ATIC: variants seen among roughly 807,000 people sequenced by gnomAD.
The protein encoded by ATIC is bifunctional purine biosynthesis protein ATIC.
Under a neutral mutation model 72.5 loss-of-function variants are expected in ATIC, and 64 were observed. The observed-to-expected ratio is 0.88, with a 90% confidence interval of 0.72 to 1.09. The LOEUF is 1.09. Among genes scored for constraint, ATIC ranks in the 50% least tolerant of loss-of-function variants. The probability of loss-of-function intolerance (pLI) is 0.00; values close to 1 mark genes in which losing one functional copy is unlikely to be tolerated. For synonymous variants in ATIC, 281 were observed against 267.1 expected (o/e 1.05, Z -0.51); for missense variants, 787 against 732.4 (o/e 1.07, Z -0.86).
intron 2 of ATIC, among the ~76,000 whole-genome samples, chr2:215,313,528 A>G (rs1038452573): frequency 6.6e-6 from 1 of 152,194 alleles, no homozygotes. Flanking sequence ...TAGGATAGCT[A>G]TTTAATAAAC....
the ATIC span, among the ~76,000 whole-genome samples, chr2:215,355,599 T>C: frequency 6.3e-4 from 96 of 151,330 alleles, no homozygotes; most frequent in Non-Finnish European, 1.1e-3. Flanking sequence ...GTGCTTTCCA[T>C]TCATGGACAT....
At chr2:215,341,458 C>T (rs925587816) in intron 12 of ATIC, among the ~76,000 whole-genome samples, 1 of 152,144 alleles carries the variant, frequency 6.6e-6, no homozygotes, top group Non-Finnish European at 1.5e-5. Flanking sequence ...TGATCTTAAT[C>T]GTTTATCTAA....
At chr2:215,327,978 A>G (rs1478125435) in intron 7 of ATIC, among the ~76,000 whole-genome samples, 1 of 150,484 alleles carries the variant, frequency 6.6e-6, no homozygotes, top group Non-Finnish European at 1.5e-5. Context: ...GGTTCAAGCG[A>G]TTCTCCTGCC....
chr2:215,314,026 A>G (rs1341680223), intron 2 of ATIC, among the ~76,000 whole-genome samples: 2 of 152,142 alleles, frequency 1.3e-5, no homozygotes, highest in African/African-American at 4.8e-5. Flanking sequence ...TTATGGAAAC[A>G]TTTCAGACAC....
chr2:215,365,783 T>A, the ATIC span: 1 of 432,822 alleles, frequency 2.3e-6, no homozygotes, highest in Non-Finnish European at 3.9e-6. Context: ...GGGCCATTTA[T>A]TTTATTTATT....
chr2:215,338,712 A>C (rs2052983702), intron 11 of ATIC, 67 bp from the exon 12 acceptor site: 7 of 1,520,728 alleles, frequency 4.6e-6, no homozygotes, highest in Non-Finnish European at 6.3e-6. Context: ...TCTTTTGTAT[A>C]TAAATTAAAT....
the ATIC span, chr2:215,364,680 A>G: frequency 6.5e-6 from 4 of 613,322 alleles, no homozygotes; most frequent in East Asian, 5.5e-5. Flanking sequence ...TACTAAGAGT[A>G]ATAGAAAGAA....
intron 7 of ATIC, among the ~76,000 whole-genome samples, chr2:215,328,061 A>G (rs1194501799): frequency 6.6e-6 from 1 of 151,706 alleles, no homozygotes; most frequent in African/African-American, 2.4e-5. Flanking sequence ...TTTAGTAGAG[A>G]TGGGGTTTCA....
chr2:215,321,981 G>A (rs1251906414), intron 4 of ATIC, among the ~76,000 whole-genome samples: 1 of 152,072 alleles, frequency 6.6e-6, no homozygotes, highest in Non-Finnish European at 1.5e-5. Context: ...TTGGCTCACT[G>A]CAACCTCCAC....
intron 14 of ATIC, among the ~76,000 whole-genome samples, chr2:215,347,861 A>G (rs891796206): frequency 2.0e-5 from 3 of 152,162 alleles, no homozygotes; most frequent in Non-Finnish European, 2.9e-5. Context: ...CTGTGCCACT[A>G]TGACACAATA....
intron 12 of ATIC, among the ~76,000 whole-genome samples, chr2:215,342,176 A>G (rs2053026863): frequency 6.6e-6 from 1 of 152,142 alleles, no homozygotes; most frequent in East Asian, 1.9e-4. Flanking sequence ...TATCACCAAG[A>G]TTATCTTTGA....
intron 7 of ATIC, among the ~76,000 whole-genome samples, chr2:215,328,875 A>T (rs2052859710): frequency 6.6e-6 from 1 of 151,610 alleles, no homozygotes; most frequent in Admixed American, 6.6e-5. Context: ...CTGCCACCAC[A>T]CCTGGCTAAT....
At chr2:215,354,862 T>TTGGC in the ATIC span, among the ~76,000 whole-genome samples, 1 of 151,786 alleles carries the variant, frequency 6.6e-6, no homozygotes, top group Non-Finnish European at 1.5e-5. Context: ...CTGACTAACA[T>TTGGC]TGGCTACCCA....
chr2:215,322,938 GTTTGT>G (rs748658435), intron 4 of ATIC, among the ~76,000 whole-genome samples: 32 of 151,806 alleles, frequency 2.1e-4, no homozygotes, highest in Non-Finnish European at 4.1e-4. Context: ...TTGTTTGTTT[GTTTGT>G]TTTGTTTTGT....
At chr2:215,327,856 GT>G (rs2052846040) in intron 7 of ATIC, among the ~76,000 whole-genome samples, 1 of 151,252 alleles carries the variant, frequency 6.6e-6, no homozygotes, top group African/African-American at 2.4e-5. Context: ...GTTTCTTCAC[GT>G]TTGCCGCGTT....
At chr2:215,316,961 C>T (rs554941319) in intron 2 of ATIC, among the ~76,000 whole-genome samples, 4 of 152,244 alleles carry the variant, frequency 2.6e-5, no homozygotes, top group African/African-American at 9.6e-5. Context: ...GGGGTTTCAC[C>T]ATGTTGGTCA....
At chr2:215,338,708 G>C in intron 11 of ATIC, 71 bp from the exon 12 acceptor site, 2 of 1,494,368 alleles carry the variant, frequency 1.3e-6, no homozygotes, top group South Asian at 2.4e-5. Flanking sequence ...GAAATCTTTT[G>C]TATATAAATT....
the ATIC span, among the ~76,000 whole-genome samples, chr2:215,366,332 A>T: frequency 2.0e-5 from 3 of 152,258 alleles, no homozygotes; most frequent in African/African-American, 7.2e-5. Flanking sequence ...CTAGATGAAA[A>T]ATCACTTTTG....
At chr2:215,365,647 A>C in the ATIC span, 7 of 1,613,772 alleles carry the variant, frequency 4.3e-6, no homozygotes, top group Non-Finnish European at 5.9e-6. Flanking sequence ...GGGTGGGGAA[A>C]GTCAGGACCA....
Sources: allele counts gnomAD v4.1 joint callset (sites outside exome capture counted in the v4.1 genomes callset), GRCh38; gene constraint gnomAD v4.1.1; transcripts MANE v1.5; gene names NCBI Gene and HGNC (gene_info 2026-07-23, HGNC 2026-07-21).